LRP1B: variants seen among roughly 807,000 people sequenced by gnomAD.
LRP1B encodes the protein low-density lipoprotein receptor-related protein 1B.
LRP1B carries 217 observed loss-of-function variants against 556.6 expected under a neutral mutation model. The observed-to-expected ratio is 0.39, with a 90% CI of 0.35 to 0.44. LRP1B has a LOEUF of 0.44. LRP1B is among the 20% of genes least tolerant of loss of function. LRP1B has a pLI of 1.00. For missense variants in LRP1B, 5,053 were observed against 5,620.8 expected, an observed-to-expected ratio of 0.90 and a Z score of 3.23; for synonymous variants, 2,047 against 1,865.8, an observed-to-expected ratio of 1.10 and a Z score of -2.50.
At chr2:142,104,789 T>C (rs567905954) in intron 1 of LRP1B, among the ~76,000 whole-genome samples, 1 of 152,262 alleles carries the variant, frequency 6.6e-6, no homozygotes, top group East Asian at 1.9e-4. Context: ...GCCTTAAAAA[T>C]GCGAGCAGTA....
intron 35 of LRP1B, among the ~76,000 whole-genome samples, chr2:140,754,287 A>C (rs1688673502): frequency 6.6e-6 from 1 of 152,204 alleles, no homozygotes; most frequent in Admixed American, 6.5e-5. Context: ...GTGGAAAAAG[A>C]CAGCAAAGAA....
intron 7 of LRP1B, among the ~76,000 whole-genome samples, chr2:141,142,077 A>T (rs1011244593): frequency 2.4e-5 from 2 of 82,528 alleles, no homozygotes; most frequent in African/African-American, 4.7e-5. Context: ...AGGCATCAAC[A>T]ATCTGGTATA....
At chr2:140,733,951 A>T (rs1687863283) in intron 35 of LRP1B, among the ~76,000 whole-genome samples, 1 of 152,230 alleles carries the variant, frequency 6.6e-6, no homozygotes, top group African/African-American at 2.4e-5. Flanking sequence ...ATCATCTTAA[A>T]ATATAGATGT....
intron 15 of LRP1B, 24 bp downstream of exon 15, chr2:141,005,311 A>G (rs2105373507): frequency 2.5e-6 from 4 of 1,606,442 alleles, no homozygotes; most frequent in Non-Finnish European, 3.4e-6. Context: ...ATAAACAAAT[A>G]AGGGTAACTT....
At chr2:141,788,817 C>G in intron 2 of LRP1B, among the ~76,000 whole-genome samples, 1 of 151,726 alleles carries the variant, frequency 6.6e-6, no homozygotes. Flanking sequence ...CGACAGTTTG[C>G]TAAGAATGAT....
At chr2:142,006,446 C>G (rs1312123563) in intron 1 of LRP1B, among the ~76,000 whole-genome samples, 1 of 152,178 alleles carries the variant, frequency 6.6e-6, no homozygotes, top group African/African-American at 2.4e-5. Flanking sequence ...AAAATCTTCT[C>G]TTCATGTACA....
chr2:141,566,744 A>C (rs1368131760), intron 2 of LRP1B, among the ~76,000 whole-genome samples: 1 of 152,168 alleles, frequency 6.6e-6, no homozygotes, highest in Non-Finnish European at 1.5e-5. Flanking sequence ...CTGTTGTTCC[A>C]GTTACCCTGG....
chr2:141,719,827 A>C (rs1159049552), intron 2 of LRP1B, among the ~76,000 whole-genome samples: 1 of 152,130 alleles, frequency 6.6e-6, no homozygotes, highest in Non-Finnish European at 1.5e-5. Flanking sequence ...CACTTATGCA[A>C]AGAGGGTAAC....
At chr2:140,239,323 T>A (rs574169731) in intron 88 of LRP1B, 119 bp downstream of exon 88, 52 of 573,166 alleles carry the variant, frequency 9.1e-5, no homozygotes, top group Non-Finnish European at 1.3e-4. Context: ...TGAAAAACAT[T>A]GTATTTTACA....
rs2105420259 is a variant in LRP1B at position 140,700,365 on chromosome 2, A to G, written c.6684T>C (p.Ala2228=). The change falls in exon 41 of 91, where the codon GCT becomes GCC. Residue 2228 remains alanine (A), a synonymous_variant. Coordinates refer to ENST00000389484, the MANE Select transcript of LRP1B (RefSeq NM_018557.3). ...PRYFKNVIAL[A]FDYNQRRKGT... ...CTTTTCTTCTTTGATTATAGTCAAA[A>G]GCCAAGGCTATGACATTCTTGAAAT... The G allele has an allele frequency of 6.2e-7, 1 of 1,613,320 alleles. No homozygotes were observed. The highest frequency in any genetic ancestry group is 1.7e-5 in the Admixed American group (1 of 59,888).
chr2:140,746,073 TGTGA>T (rs1418063620), intron 35 of LRP1B, among the ~76,000 whole-genome samples: 1 of 152,138 alleles, frequency 6.6e-6, no homozygotes, highest in African/African-American at 2.4e-5. Context: ...ATAGGGTGGT[TGTGA>T]GTGTGCACAA....
chr2:140,796,317 ATAG>A (rs1690311263), intron 32 of LRP1B, among the ~76,000 whole-genome samples: 1 of 152,100 alleles, frequency 6.6e-6, no homozygotes, highest in Non-Finnish European at 1.5e-5. Flanking sequence ...GGTTACAAAA[ATAG>A]TAGTATGATA....
In LRP1B at chr2:140,564,072, T is replaced by C. The variant is rs1330240250; in HGVS notation, c.7195-22101A>G. Among the ~76,000 whole-genome samples, 5 of 152,314 alleles carry C rather than the reference T, an allele frequency of 3.3e-5. No individual in the cohort carries two copies. The East Asian group carries it at 7.7e-4, about 23-fold the overall frequency. On this transcript the variant is annotated intron_variant, in intron 43 of 90. Transcript: ENST00000389484. ...GATAGTAATATAGAGTTAGTGCATT[T>C]TGCATTCATTGAAAGAGAATTTTAT...
chr2:140,838,208 C>T (rs1185839311), intron 31 of LRP1B, among the ~76,000 whole-genome samples: 1 of 152,092 alleles, frequency 6.6e-6, no homozygotes, highest in Non-Finnish European at 1.5e-5. Context: ...TTTGCTTATG[C>T]TATTTCTATC....
intron 84 of LRP1B, among the ~76,000 whole-genome samples, chr2:140,278,142 T>G (rs1215221218): frequency 6.6e-6 from 1 of 151,890 alleles, no homozygotes; most frequent in Non-Finnish European, 1.5e-5. Flanking sequence ...CATTTTTATA[T>G]TTATATAAGG....
intron 15 of LRP1B, among the ~76,000 whole-genome samples, chr2:141,000,876 T>A (rs1451468414): frequency 6.6e-6 from 1 of 150,742 alleles, no homozygotes; most frequent in East Asian, 2.0e-4. Flanking sequence ...TCTACAATGT[T>A]GATTTTTTCA....
intron 2 of LRP1B, among the ~76,000 whole-genome samples, chr2:141,565,178 G>A (rs1292541316): frequency 6.6e-6 from 1 of 152,022 alleles, no homozygotes; most frequent in Non-Finnish European, 1.5e-5. Context: ...TACACCCAAT[G>A]CTGCATACTG....
chr2:141,985,901 G>T (rs984623012), intron 1 of LRP1B, among the ~76,000 whole-genome samples: 1 of 151,854 alleles, frequency 6.6e-6, no homozygotes, highest in African/African-American at 2.4e-5. Context: ...TGAATTGAAA[G>T]GAATATAGCT....
intron 11 of LRP1B, among the ~76,000 whole-genome samples, chr2:141,046,459 G>A (rs1242229568): frequency 2.0e-5 from 3 of 152,042 alleles, no homozygotes; most frequent in African/African-American, 7.2e-5. Context: ...TCTCTTTAAT[G>A]GAAAGAAAAA....
Sources: allele counts gnomAD v4.1 joint callset (sites outside exome capture counted in the v4.1 genomes callset), GRCh38; gene constraint gnomAD v4.1.1; transcripts MANE v1.5; gene names NCBI Gene and HGNC (gene_info 2026-07-23, HGNC 2026-07-21).